POP7: variants seen among roughly 807,000 people sequenced by gnomAD.
POP7 encodes the protein ribonuclease P protein subunit p20.
Under a neutral mutation model 7.5 loss-of-function variants are expected in POP7, and 5 were observed. That is an observed-to-expected ratio of 0.66 (90% confidence interval 0.35 to 1.40). The LOEUF is 1.40. Among genes scored for constraint, POP7 ranks in the 40% most tolerant of loss-of-function variants. POP7 has a pLI of 0.04. For synonymous variants in POP7, 85 were observed against 81.6 expected (o/e 1.04, Z -0.23); for missense variants, 170 against 189.1 (o/e 0.90, Z 0.59).
intron 1 of POP7, 72 bp from the exon 2 acceptor site, chr7:100,706,749 G>A: frequency 1.4e-6 from 2 of 1,472,860 alleles, no homozygotes; most frequent in African/African-American, 1.4e-5. Context: ...TGCACCCTTT[G>A]TACAGGAAAA....
In POP7 at chr7:100,707,336, A is replaced by T; in HGVS notation, c.*83A>T. On this transcript the variant is annotated 3_prime_UTR_variant, in exon 2 of 2. Coordinates refer to ENST00000303151, the MANE Select transcript of POP7 (RefSeq NM_005837.3). Reference sequence around the variant, plus strand: ...ACTGGACCTCGGACCAGAGCCATGTAAGAAAAGGCCTGTTCCCTGGAAGCC... The same window carrying T: ...ACTGGACCTCGGACCAGAGCCATGTTAGAAAAGGCCTGTTCCCTGGAAGCC... 6.9e-7 allele frequency: 1 copy of T among 1,450,012 alleles called. No homozygotes were observed. The allele number at this position is 1,450,012 out of a possible 1,614,324, so 89.8% of individuals were successfully genotyped here. A position where few individuals can be genotyped will look rare whatever the true frequency, so the allele number is the denominator to read the frequency against.
rs1211020832 is a variant in POP7, at chr7:100,706,853, G to T, written c.23G>T (p.Arg8Leu). Residue 8 changes from arginine (R) to leucine (L), a missense_variant, in exon 2 of 2, where the codon CGC (arginine) becomes CTC (leucine). Coordinates refer to ENST00000303151, the MANE Select transcript of POP7 (RefSeq NM_005837.3). MAENREP[R>L]GAVEAELDPV... The stretch of plus-strand genomic sequence containing the variant: ...AGCATGGCAGAAAACCGAGAGCCCC[G>T]CGGTGCTGTGGAGGCTGAACTGGAT... 2.7e-5 allele frequency: 43 copies of T among 1,613,534 alleles called. 1 individual carries two copies. The highest frequency in any genetic ancestry group is 3.6e-5 in the Non-Finnish European group (42 of 1,179,852).
intron 1 of POP7, 49 bp from the exon 2 acceptor site, chr7:100,706,772 G>T: frequency 6.4e-7 from 1 of 1,562,284 alleles, no homozygotes; most frequent in Admixed American, 1.8e-5. Context: ...GGTAGGAAAG[G>T]CTTCGAGGTC....
rs567144542 is a variant in POP7, at chr7:100,706,626, CAG to C, written c.-10-194_-10-193del. Among the ~76,000 whole-genome samples the C allele has an allele frequency of 1.1e-4, 17 of 152,102 alleles. 1 individual carries two copies. In the South Asian group the frequency reaches 3.5e-3, roughly 32 times the overall value. On this transcript the variant is annotated intron_variant, in intron 1 of 1. Transcript: ENST00000303151. ...GTAATTAAAAAAATTTTTCTTAAGA[CAG>C]GGTCTTGCTATGTTGCCCAGGCTGA...
chr7:100,707,316 A>G lies in POP7; in HGVS notation c.*63A>G. 1.3e-6 allele frequency: 2 copies of G among 1,516,254 alleles called. No homozygotes were observed. Among genetic ancestry groups the G allele is most frequent in the Non-Finnish European group, 1.8e-6 (2 of 1,120,096 alleles). 93.9% of individuals were successfully genotyped at this position (1,516,254 alleles called of 1,614,324 possible). On this transcript the variant is annotated 3_prime_UTR_variant, in exon 2 of 2. Coordinates refer to ENST00000303151, the MANE Select transcript of POP7 (RefSeq NM_005837.3). ...TGGCTCTTCGCATGCTGAGTACTGG[A>G]CCTCGGACCAGAGCCATGTAAGAAA...
Position 100,707,149 on chromosome 7 carries a change from CTTG to C in POP7, c.323_325del (p.Val108del). 6.2e-7 allele frequency: 1 copy of C among 1,614,216 alleles called. No homozygotes were observed. Among genetic ancestry groups the C allele is most frequent in the East Asian group, 2.2e-5 (1 of 44,886 alleles). ...GGCTGCCAATACCTCCACCGTGGAG[CTTG>C]TTGATGAGCTGGAGCCAGAGACCGA... On this transcript the variant is annotated inframe_deletion, in exon 2 of 2. Coordinates refer to ENST00000303151, the MANE Select transcript of POP7 (RefSeq NM_005837.3).
In POP7 at chr7:100,706,303, G is replaced by C. The variant is rs762113308; in HGVS notation, c.-12G>C. 7 of 157,716 alleles carry C rather than the reference G, an allele frequency of 4.4e-5. No individual in the cohort carries two copies. The highest frequency in any genetic ancestry group is 1.9e-4 in the East Asian group (1 of 5,344). The allele number at this position is 157,716 out of a possible 1,614,324, so 9.8% of individuals were successfully genotyped here. A position where few individuals can be genotyped will look rare whatever the true frequency, so the allele number is the denominator to read the frequency against. On this transcript the variant is annotated splice_region_variant and 5_prime_UTR_variant, in exon 1 of 2. Transcript: ENST00000303151. ...CCTGGAGGGCCCTGTGGAACGAAGA[G>C]AGTAAGCACGGGAGGGGCGGCGGAG...
In POP7 at chr7:100,706,854, C is replaced by G. The variant is rs1267436773; in HGVS notation, c.24C>G (p.Arg8=). The change falls in exon 2 of 2, where the codon CGC becomes CGG. Residue 8 remains arginine, a synonymous_variant. Transcript: ENST00000303151. MAENREP[R]GAVEAELDPV... ...GCATGGCAGAAAACCGAGAGCCCCG[C>G]GGTGCTGTGGAGGCTGAACTGGATC... 6.2e-7 allele frequency: 1 copy of G among 1,613,626 alleles called. No homozygotes were observed. The highest frequency in any genetic ancestry group is 2.2e-5 in the East Asian group (1 of 44,874).
In POP7 at chr7:100,707,369, C is replaced by T. The variant is rs1162935657; in HGVS notation, c.*116C>T. ...GCCTGTTCCCTGGAAGCCCAAAGGA[C>T]TCTGCATTGAGGGTGGGGGTAATTG... is the stretch of plus-strand genomic sequence containing the variant. On this transcript the variant is annotated 3_prime_UTR_variant, in exon 2 of 2. Transcript: ENST00000303151. 7 of 1,244,294 alleles carry T rather than the reference C, an allele frequency of 5.6e-6. No homozygotes were observed. The highest frequency in any genetic ancestry group is 6.6e-6 in the Non-Finnish European group (6 of 903,792). 77.1% of individuals were successfully genotyped at this position (1,244,294 alleles called of 1,614,324 possible). A position where few individuals can be genotyped will look rare whatever the true frequency, so the allele number is the denominator to read the frequency against.
chr7:100,707,132 A>G lies in POP7; in HGVS notation c.302A>G (p.Asn101Ser), dbSNP rs769880753. Reference protein sequence around the residue: ...GSFGSLQVAANTSTVELVDEL... With the variant: ...GSFGSLQVAASTSTVELVDEL... ...TTCGGGTCCTTGCAGGTGGCTGCCA[A>G]TACCTCCACCGTGGAGCTTGTTGAT... Residue 101 changes from asparagine to serine, a missense_variant, in exon 2 of 2, where the codon AAT (asparagine) becomes AGT (serine). Physicochemically the swap from Asn to Ser is conservative, Grantham distance 46 (BLOSUM62 1). Transcript: ENST00000303151. The G allele has an allele frequency of 1.7e-5, 27 of 1,614,052 alleles. No homozygotes were observed. The highest frequency in any genetic ancestry group is 6.7e-5 in the East Asian group (3 of 44,894).
chr7:100,706,755 G>A (rs1303820294), intron 1 of POP7, 66 bp from the exon 2 acceptor site: 2 of 1,503,752 alleles, frequency 1.3e-6, no homozygotes, highest in South Asian at 1.2e-5. Context: ...CTTTGTACAG[G>A]AAAAGGGGTA....
At position 100,707,272 on chromosome 7, in the gene POP7, A is replaced by C; in HGVS notation, c.*19A>C. On this transcript the variant is annotated 3_prime_UTR_variant, in exon 2 of 2. Coordinates refer to ENST00000303151, the MANE Select transcript of POP7 (RefSeq NM_005837.3). ...CAAGTAATTGAAAAGACACTCCTCCACTTATCCCCTCCGTGATATGGCTCT... is the reference window on the plus strand; with the variant it reads ...CAAGTAATTGAAAAGACACTCCTCCCCTTATCCCCTCCGTGATATGGCTCT... The C allele has an allele frequency of 6.2e-7, 1 of 1,605,250 alleles. No homozygotes were observed. The highest frequency in any genetic ancestry group is 8.5e-7 in the Non-Finnish European group (1 of 1,173,730).
In POP7 at chr7:100,706,825, C is replaced by A. The variant is rs749722781; in HGVS notation, c.-6C>A. 3.7e-6 allele frequency: 6 copies of A among 1,610,856 alleles called. No homozygotes were observed. Among genetic ancestry groups the A allele is most frequent in the Non-Finnish European group, 5.1e-6 (6 of 1,177,824 alleles). ...CGCGTCCCTTTCCCACGCCAGGGCA[C>A]ACAGCATGGCAGAAAACCGAGAGCC... On this transcript the variant is annotated 5_prime_UTR_variant, in exon 2 of 2. Coordinates refer to ENST00000303151, the MANE Select transcript of POP7 (RefSeq NM_005837.3).
chr7:100,706,823 C>G lies in POP7; in HGVS notation c.-8C>G, dbSNP rs1382654991. 2 of 1,610,434 alleles carry G rather than the reference C, an allele frequency of 1.2e-6. No homozygotes were observed. Among genetic ancestry groups the G allele is most frequent in the Non-Finnish European group, 1.7e-6 (2 of 1,177,702 alleles). ...ATCGCGTCCCTTTCCCACGCCAGGG[C>G]ACACAGCATGGCAGAAAACCGAGAG... On this transcript the variant is annotated splice_region_variant and 5_prime_UTR_variant, in exon 2 of 2. Transcript: ENST00000303151.
chr7:100,707,162 TG>T lies in POP7; in HGVS notation c.334del (p.Glu112SerfsTer10). 9.3e-6 allele frequency: 15 copies of T among 1,614,198 alleles called. No individual in the cohort carries two copies. The highest frequency in any genetic ancestry group is 1.3e-5 in the Non-Finnish European group (15 of 1,180,036). ...NTSTVELVDE[L>X]EPETDTREPL... is the part of the protein sequence containing the mutation. ...TCCACCGTGGAGCTTGTTGATGAGC[TG>T]GAGCCAGAGACCGACACACGGGAGC... On this transcript the variant is annotated frameshift_variant, in exon 2 of 2. Transcript: ENST00000303151. LOFTEE classifies it high-confidence loss of function.
At position 100,706,841 on chromosome 7, in the gene POP7, A is replaced by G; in HGVS notation, c.11A>G (p.Asn4Ser). The stretch of plus-strand genomic sequence containing the variant: ...GCCAGGGCACACAGCATGGCAGAAA[A>G]CCGAGAGCCCCGCGGTGCTGTGGAG... MAE[N>S]REPRGAVEAE... The change falls in exon 2 of 2, where the codon AAC (asparagine) becomes AGC (serine). Residue 4 changes from asparagine to serine, a missense_variant. Physicochemically the swap from Asn to Ser is conservative, Grantham distance 46. Coordinates refer to ENST00000303151, the MANE Select transcript of POP7 (RefSeq NM_005837.3). 1 of 1,612,984 alleles carries G rather than the reference A, an allele frequency of 6.2e-7. No homozygotes were observed. Among genetic ancestry groups the G allele is most frequent in the Non-Finnish European group, 8.5e-7 (1 of 1,179,416 alleles).
In POP7 at chr7:100,707,228, G is replaced by A. The variant is rs1183253826; in HGVS notation, c.398G>A (p.Arg133Gln). ...RIRNNSAIHI[R>Q]VFRVTPK ...CGCAACAACTCAGCCATCCACATCCGAGTCTTCAGGGTCACACCCAAGTAA... is the reference window on the plus strand; with the variant it reads ...CGCAACAACTCAGCCATCCACATCCAAGTCTTCAGGGTCACACCCAAGTAA... The change falls in exon 2 of 2, where the codon CGA becomes CAA. Residue 133 changes from arginine (R) to glutamine (Q), a missense_variant. Physicochemically the swap from Arg to Gln is conservative, Grantham distance 43. Coordinates refer to ENST00000303151, the MANE Select transcript of POP7 (RefSeq NM_005837.3). 1.2e-6 allele frequency: 2 copies of A among 1,613,848 alleles called. No homozygotes were observed. Among genetic ancestry groups the A allele is most frequent in the Non-Finnish European group, 1.7e-6 (2 of 1,179,872 alleles).
intron 1 of POP7, 44 bp from the exon 2 acceptor site, chr7:100,706,758 AAGGGGTAGGAAAGGCTTCG>A: frequency 6.6e-7 from 1 of 1,517,902 alleles, no homozygotes; most frequent in Non-Finnish European, 8.9e-7. Context: ...TGTACAGGAA[AAGGGGTAGGAAAGGCTTCG>A]AGGTCCCTCT....
In POP7 at chr7:100,707,130, C is replaced by T. The variant is rs1806534532; in HGVS notation, c.300C>T (p.Ala100=). ...AGSFGSLQVA[A]NTSTVELVDE... Reference sequence around the variant, plus strand: ...GCTTCGGGTCCTTGCAGGTGGCTGCCAATACCTCCACCGTGGAGCTTGTTG... The same window carrying T: ...GCTTCGGGTCCTTGCAGGTGGCTGCTAATACCTCCACCGTGGAGCTTGTTG... The change falls in exon 2 of 2, where the codon GCC becomes GCT. Residue 100 remains alanine, a synonymous_variant. Coordinates refer to ENST00000303151, the MANE Select transcript of POP7 (RefSeq NM_005837.3). 1.9e-6 allele frequency: 3 copies of T among 1,614,074 alleles called. No individual in the cohort carries two copies. In the African/African-American group the frequency reaches 4.0e-5, roughly 22 times the overall value.
Sources: allele counts gnomAD v4.1 joint callset (sites outside exome capture counted in the v4.1 genomes callset), GRCh38; gene constraint gnomAD v4.1.1; transcripts MANE v1.5; gene names NCBI Gene and HGNC (gene_info 2026-07-23, HGNC 2026-07-21).